The following PLXDC2 variants were observed in gnomAD, a reference collection of about 807,000 sequenced individuals.
PLXDC2 encodes the protein plexin domain containing 2.
A neutral mutation model predicts 68.9 loss-of-function variants in PLXDC2; 40 were observed. The ratio of observed to expected loss-of-function variants is 0.58; its 90% CI spans 0.45 to 0.76. PLXDC2 has a LOEUF of 0.76. Among genes scored for constraint, PLXDC2 ranks in the 30% least tolerant of loss-of-function variants. PLXDC2 has a pLI of 0.00. For missense variants in PLXDC2, 644 were observed against 661.9 expected, an observed-to-expected ratio of 0.97 and a Z score of 0.30; for synonymous variants, 243 against 234.2, an observed-to-expected ratio of 1.04 and a Z score of -0.34.
chr10:19,873,420 T>G (rs1209513126), intron 1 of PLXDC2, among the ~76,000 whole-genome samples: 7 of 149,540 alleles, frequency 4.7e-5, no homozygotes, highest in Non-Finnish European at 7.4e-5. Flanking sequence ...TTTTTTTTTT[T>G]TTTTTTTTGA....
chr10:19,899,193 G>A (rs778479531), intron 1 of PLXDC2, among the ~76,000 whole-genome samples: 24 of 152,078 alleles, frequency 1.6e-4, no homozygotes, highest in Non-Finnish European at 2.6e-4. Context: ...TCCCATTGAG[G>A]CCTCTCAGAC....
intron 2 of PLXDC2, among the ~76,000 whole-genome samples, chr10:20,032,696 A>T (rs562722873): frequency 5.3e-5 from 8 of 152,044 alleles, no homozygotes; most frequent in African/African-American, 1.7e-4. Flanking sequence ...TGTTATATAG[A>T]ACTGGTTTTA....
chr10:20,140,516 G>A (rs111863012), intron 4 of PLXDC2, among the ~76,000 whole-genome samples: 3,895 of 151,884 alleles, frequency 0.026, 70 homozygotes, highest in South Asian at 0.07. Context: ...GTTGGTATCT[G>A]TGAGTACCTT....
intron 1 of PLXDC2, among the ~76,000 whole-genome samples, chr10:19,846,464 G>A (rs780811793): frequency 7.9e-5 from 12 of 152,056 alleles, no homozygotes; most frequent in African/African-American, 1.2e-4. Context: ...AAGGGACTGC[G>A]TTATTGATGT....
chr10:20,270,150 T>A (rs2778964), intron 13 of PLXDC2, among the ~76,000 whole-genome samples: 5 of 151,892 alleles, frequency 3.3e-5, no homozygotes, highest in African/African-American at 1.2e-4. Context: ...AGAAGACTAT[T>A]GGTAGTCTAT....
chr10:20,062,158 G>C (rs1006901397), intron 3 of PLXDC2, among the ~76,000 whole-genome samples: 1 of 152,200 alleles, frequency 6.6e-6, no homozygotes, highest in Non-Finnish European at 1.5e-5. Flanking sequence ...GGGCACGGTG[G>C]CTCACGCCTG....
intron 1 of PLXDC2, among the ~76,000 whole-genome samples, chr10:19,967,227 C>CA (rs1251450136): frequency 1.3e-5 from 2 of 151,990 alleles, no homozygotes; most frequent in African/African-American, 4.8e-5. Flanking sequence ...ACTTGTTTAG[C>CA]AAAAAATAGT....
Position 20,030,323 on chromosome 10 carries a change from C to T in PLXDC2, c.325-16546C>T, listed in dbSNP as rs7922872. ...AGGATCTCTTTTCTCACCTCTTCAA[C>T]CCAGGCCATGCCTTGTGACTTGTTC... On this transcript the variant is annotated intron_variant, in intron 2 of 13. Transcript: ENST00000377252. 2.7e-3 allele frequency among the ~76,000 whole-genome samples: 408 copies of T among 152,310 alleles called. 6 individuals are homozygous for T. The highest frequency in any genetic ancestry group is 8.8e-3 in the African/African-American group (366 of 41,570).
intron 12 of PLXDC2, among the ~76,000 whole-genome samples, chr10:20,229,561 G>A (rs1463934794): frequency 3.3e-5 from 5 of 149,826 alleles, no homozygotes; most frequent in Non-Finnish European, 5.9e-5. Context: ...ATGGTTGATG[G>A]AGAGAAAAGA....
chr10:20,275,602 C>G (rs1835996367), intron 13 of PLXDC2, among the ~76,000 whole-genome samples: 1 of 151,988 alleles, frequency 6.6e-6, no homozygotes, highest in South Asian at 2.1e-4. Context: ...AAAAAGAGTC[C>G]ACGGCTTAAA....
At chr10:20,214,579 T>C (rs977788132) in intron 10 of PLXDC2, among the ~76,000 whole-genome samples, 1 of 152,206 alleles carries the variant, frequency 6.6e-6, no homozygotes, top group Non-Finnish European at 1.5e-5. Context: ...ACATAGCTTT[T>C]GCTTTGTTTT....
At chr10:19,863,646 G>T (rs2131336970) in intron 1 of PLXDC2, among the ~76,000 whole-genome samples, 1 of 152,272 alleles carries the variant, frequency 6.6e-6, no homozygotes, top group African/African-American at 2.4e-5. Context: ...AACATGACAT[G>T]CATGCCGTGG....
chr10:20,081,450 T>C (rs904723889), intron 4 of PLXDC2, among the ~76,000 whole-genome samples: 1 of 151,556 alleles, frequency 6.6e-6, no homozygotes, highest in Non-Finnish European at 1.5e-5. Flanking sequence ...GAACAGAACA[T>C]CAGAGACCAG....
intron 12 of PLXDC2, among the ~76,000 whole-genome samples, chr10:20,228,097 T>C (rs1368817000): frequency 2.0e-5 from 3 of 152,116 alleles, no homozygotes; most frequent in South Asian, 4.1e-4. Context: ...TGAATTTAAT[T>C]TGAGCATGTT....
intron 13 of PLXDC2, among the ~76,000 whole-genome samples, chr10:20,278,588 A>G (rs995913239): frequency 6.7e-6 from 1 of 150,018 alleles, no homozygotes; most frequent in Non-Finnish European, 1.5e-5. Flanking sequence ...ATAGCACTTA[A>G]TATTATTAGT....
At chr10:20,216,244 A>G (rs1355403113) in intron 10 of PLXDC2, among the ~76,000 whole-genome samples, 3 of 152,210 alleles carry the variant, frequency 2.0e-5, no homozygotes, top group African/African-American at 4.8e-5. Flanking sequence ...AATAAGAAGA[A>G]TTGGAGTTCG....
At chr10:20,260,356 A>G (rs1198713769) in intron 13 of PLXDC2, among the ~76,000 whole-genome samples, 3 of 151,982 alleles carry the variant, frequency 2.0e-5, no homozygotes, top group African/African-American at 7.3e-5. Flanking sequence ...CCATTTCCCT[A>G]TTTCCTGCCC....
At chr10:19,834,891 T>A (rs1836762557) in intron 1 of PLXDC2, among the ~76,000 whole-genome samples, 1 of 151,704 alleles carries the variant, frequency 6.6e-6, no homozygotes, top group Non-Finnish European at 1.5e-5. Context: ...TATATGTGTG[T>A]GAGAGAGAGA....
chr10:20,172,230 G>GAAAAA (rs571463676), intron 7 of PLXDC2, among the ~76,000 whole-genome samples: 5 of 110,584 alleles, frequency 4.5e-5, no homozygotes, highest in African/African-American at 1.3e-4. Context: ...TTGTGAAAAG[G>GAAAAA]AAAAAAAAAA....
Sources: gnomAD v4.1 joint callset for allele counts (sites outside exome capture counted in the v4.1 genomes callset) on GRCh38, gnomAD v4.1.1 for gene constraint, MANE v1.5 for transcripts, NCBI Gene and HGNC (gene_info 2026-07-23, HGNC 2026-07-21) for gene names.